Variants in FBXL17 observed in about 807,000 individuals in gnomAD.
The protein encoded by FBXL17 is F-box and leucine rich repeat protein 17.
Under a neutral mutation model 66.2 loss-of-function variants are expected in FBXL17, and 22 were observed. That is an observed-to-expected ratio of 0.33 (90% CI 0.24 to 0.47). The LOEUF (loss-of-function observed/expected upper bound fraction) is 0.47, where lower values mean the gene tolerates loss of function less well. Ranked by LOEUF, FBXL17 falls within the 20% of genes least tolerant of loss-of-function variation. The pLI is 1.00. For missense variants in FBXL17, 878 were observed against 948.2 expected (o/e 0.93, Z 0.97); for synonymous variants, 474 against 400.5 (o/e 1.18, Z -2.19).
chr5:108,357,796 T>C (rs1748097663), intron 3 of FBXL17, among the ~76,000 whole-genome samples: 1 of 151,936 alleles, frequency 6.6e-6, no homozygotes, highest in South Asian at 2.1e-4. Flanking sequence ...TAGGTATACA[T>C]GAATGACACG....
At chr5:108,284,586 T>TA (rs1317919085) in intron 4 of FBXL17, among the ~76,000 whole-genome samples, 1 of 151,722 alleles carries the variant, frequency 6.6e-6, no homozygotes, top group Non-Finnish European at 1.5e-5. Flanking sequence ...GATGAGAAAT[T>TA]AGTTAATAGG....
intron 4 of FBXL17, among the ~76,000 whole-genome samples, chr5:108,276,487 T>C (rs577329774): frequency 2.0e-5 from 3 of 152,060 alleles, no homozygotes; most frequent in East Asian, 3.9e-4. Flanking sequence ...TAGAATAATA[T>C]ATTGTAAGTC....
chr5:107,898,001 A>G (rs1749439748), intron 7 of FBXL17, among the ~76,000 whole-genome samples: 1 of 152,170 alleles, frequency 6.6e-6, no homozygotes, highest in African/African-American at 2.4e-5. Context: ...ACTAATAGAC[A>G]CTACACCAGA....
intron 4 of FBXL17, among the ~76,000 whole-genome samples, chr5:108,272,585 C>T (rs1176643372): frequency 3.9e-5 from 6 of 152,030 alleles, no homozygotes; most frequent in Admixed American, 3.3e-4. Context: ...AACTCCTGGC[C>T]TCAAGTGATC....
At chr5:108,055,137 ATT>A (rs1747637099) in intron 6 of FBXL17, among the ~76,000 whole-genome samples, 1 of 151,910 alleles carries the variant, frequency 6.6e-6, no homozygotes, top group African/African-American at 2.4e-5. Flanking sequence ...TAAATTCAAT[ATT>A]GTTCCTCTTG....
At chr5:108,380,492 G>A (rs1454053155) in intron 1 of FBXL17, among the ~76,000 whole-genome samples, 1 of 152,176 alleles carries the variant, frequency 6.6e-6, no homozygotes, top group East Asian at 1.9e-4. Flanking sequence ...GCTATTAAAA[G>A]ACATTCAGTA....
At chr5:108,338,188 C>A (rs887271742) in intron 4 of FBXL17, among the ~76,000 whole-genome samples, 2 of 64,724 alleles carry the variant, frequency 3.1e-5, no homozygotes, top group Admixed American at 2.1e-4. Flanking sequence ...AGAGGAGTTA[C>A]AATGAAAAGC....
rs1445500138 is a variant in FBXL17, at chr5:108,055,293, AAAAAAAAAAAAAAAAAAAAAG to A, written c.1746-34313_1746-34293del. Among the ~76,000 whole-genome samples, 117 of 60,510 alleles carry A rather than the reference AAAAAAAAAAAAAAAAAAAAAG, an allele frequency of 1.9e-3. 7 individuals are homozygous for A. Among genetic ancestry groups the A allele is most frequent in the South Asian group, 7.0e-3 (12 of 1,704 alleles). 39.7% of individuals were successfully genotyped at this position (60,510 alleles called of 152,430 possible). A position where few individuals can be genotyped will look rare whatever the true frequency, so the allele number is the denominator to read the frequency against. ...ATAGAATTTTTAGAAAAAAAAAAAA[AAAAAAAAAAAAAAAAAAAAAG>A]AAAAACGCTTCAGGCCGGGCACGGT... On this transcript the variant is annotated intron_variant, in intron 6 of 8. Coordinates refer to ENST00000542267, the MANE Select transcript of FBXL17 (RefSeq NM_001163315.3).
At chr5:107,963,667 A>G (rs976280188) in intron 7 of FBXL17, among the ~76,000 whole-genome samples, 8 of 152,174 alleles carry the variant, frequency 5.3e-5, no homozygotes, top group Admixed American at 3.9e-4. Flanking sequence ...ACTTAATAGT[A>G]TAAATTTCAT....
rs199950122 is a variant in FBXL17, at chr5:107,891,944, C to T, written c.1823-10765G>A. Among the ~76,000 whole-genome samples the T allele has an allele frequency of 9.8e-4, 149 of 152,144 alleles. 1 individual carries two copies. The East Asian group carries it at 0.011, about 11-fold the overall frequency. On this transcript the variant is annotated intron_variant, in intron 7 of 8. Transcript: ENST00000542267. ...TAAACCCATCGTAAGTTGAAAATAT[C>T]GTAACTTGAAAGTGCATTTAATATA...
chr5:108,244,321 T>C (rs750484444), intron 4 of FBXL17, among the ~76,000 whole-genome samples: 2 of 152,158 alleles, frequency 1.3e-5, no homozygotes, highest in Non-Finnish European at 2.9e-5. Flanking sequence ...TTTATTTATC[T>C]CAAAAGGAAA....
intron 7 of FBXL17, among the ~76,000 whole-genome samples, chr5:107,885,196 CT>C (rs1252275387): frequency 2.0e-5 from 3 of 152,086 alleles, no homozygotes; most frequent in Non-Finnish European, 4.4e-5. Flanking sequence ...TTTTAATATA[CT>C]TTTTAATGTG....
chr5:108,271,087 C>CAA (rs146895612), intron 4 of FBXL17, among the ~76,000 whole-genome samples: 6 of 137,958 alleles, frequency 4.3e-5, no homozygotes, highest in African/African-American at 1.6e-4. Context: ...AAAGACAATG[C>CAA]AAAAAAAAAA....
chr5:107,861,418 C>T lies in FBXL17; in HGVS notation c.*302G>A, dbSNP rs1228875344. 1 of 184,466 alleles carries T rather than the reference C, an allele frequency of 5.4e-6. No individual in the cohort carries two copies. The highest frequency in any genetic ancestry group is 1.1e-5 in the Non-Finnish European group (1 of 90,770). 11.4% of individuals were successfully genotyped at this position (184,466 alleles called of 1,614,324 possible). A position where few individuals can be genotyped will look rare whatever the true frequency, so the allele number is the denominator to read the frequency against. ...CAATTAGAAGCTCAAAATAATACAT[C>T]CAATTTTTTGACTCTATATTAAAAA... is the stretch of plus-strand genomic sequence containing the variant. On this transcript the variant is annotated 3_prime_UTR_variant, in exon 9 of 9. Coordinates refer to ENST00000542267, the MANE Select transcript of FBXL17 (RefSeq NM_001163315.3).
intron 7 of FBXL17, among the ~76,000 whole-genome samples, chr5:108,003,115 C>T (rs981597735): frequency 2.0e-5 from 3 of 152,124 alleles, no homozygotes; most frequent in African/African-American, 7.2e-5. Flanking sequence ...AGTATGAATG[C>T]CACAGCTACC....
intron 6 of FBXL17, among the ~76,000 whole-genome samples, chr5:108,051,370 C>T (rs1489220335): frequency 6.6e-6 from 1 of 152,182 alleles, no homozygotes; most frequent in East Asian, 1.9e-4. Context: ...TCCAGCAGCA[C>T]ATCACAAAAC....
At chr5:108,241,607 TAGAG>T (rs982540941) in intron 4 of FBXL17, among the ~76,000 whole-genome samples, 6 of 152,084 alleles carry the variant, frequency 3.9e-5, no homozygotes, top group African/African-American at 1.4e-4. Context: ...TTCTCAAACC[TAGAG>T]AAAGATAACA....
At chr5:108,061,700 A>AT (rs1747930964) in intron 6 of FBXL17, among the ~76,000 whole-genome samples, 1 of 152,088 alleles carries the variant, frequency 6.6e-6, no homozygotes, top group African/African-American at 2.4e-5. Flanking sequence ...ACTAGTACCT[A>AT]TTTCTACTCT....
chr5:108,124,162 T>TTG (rs1346202107), intron 6 of FBXL17, among the ~76,000 whole-genome samples: 1 of 152,038 alleles, frequency 6.6e-6, no homozygotes, highest in Non-Finnish European at 1.5e-5. Flanking sequence ...GTCCTACAAA[T>TTG]TCATCTTAAA....
Sources: gnomAD v4.1 joint callset for allele counts (sites outside exome capture counted in the v4.1 genomes callset) on GRCh38, gnomAD v4.1.1 for gene constraint, MANE v1.5 for transcripts, NCBI Gene and HGNC (gene_info 2026-07-23, HGNC 2026-07-21) for gene names.